AKAP8L: variants seen among roughly 807,000 people sequenced by gnomAD.
The protein encoded by AKAP8L is A-kinase anchor protein 8-like.
AKAP8L carries 34 observed loss-of-function variants against 77.5 expected under a neutral mutation model. The observed-to-expected ratio is 0.44, with a 90% CI of 0.33 to 0.58. The LOEUF is 0.58. AKAP8L is among the 20% of genes least tolerant of loss of function. The pLI, the probability that AKAP8L is intolerant of heterozygous loss-of-function variation, is 0.02. For synonymous variants in AKAP8L, 342 were observed against 340.7 expected (o/e 1.00, Z -0.04); for missense variants, 806 against 887.6 (o/e 0.91, Z 1.17).
rs894900243 is a variant in AKAP8L at position 15,399,914 on chromosome 19, C to A, written c.1048+381G>T. 5 of 356,542 alleles carry A rather than the reference C, an allele frequency of 1.4e-5. No individual in the cohort carries two copies. The highest frequency in any genetic ancestry group is 2.6e-5 in the Non-Finnish European group (5 of 192,376). 22.1% of individuals were successfully genotyped at this position (356,542 alleles called of 1,614,324 possible). The stretch of plus-strand genomic sequence containing the variant: ...GTGCTAAGGGAGAGGATACGCACAC[C>A]AGAGCCGTAAAAACTGCACCGAGGG... On this transcript the variant is annotated intron_variant, in intron 8 of 13. Transcript: ENST00000397410. The surrounding 1 kb of genome is among the most constrained non-coding windows in gnomAD (Gnocchi z 6.1).
chr19:15,412,605 G>C (rs71334766), intron 1 of AKAP8L, among the ~76,000 whole-genome samples: 7,852 of 152,134 alleles, frequency 0.052, 281 homozygotes, highest in Non-Finnish European at 0.083. Flanking sequence ...GCAGTGGCAC[G>C]ATCTCGGCTC....
At position 15,397,085 on chromosome 19, in the gene AKAP8L, C is replaced by G. The variant is rs537881350; in HGVS notation, c.1536+65G>C. The G allele has an allele frequency of 6.3e-7, 1 of 1,595,754 alleles. No individual in the cohort carries two copies. The highest frequency in any genetic ancestry group is 1.1e-5 in the South Asian group (1 of 90,146). On this transcript the variant is annotated intron_variant, in intron 12 of 13. Coordinates refer to ENST00000397410, the MANE Select transcript of AKAP8L (RefSeq NM_014371.4). This position sits in a 1 kb window ranked among gnomAD's most constrained non-coding sequence, Gnocchi z 4.7. The stretch of plus-strand genomic sequence containing the variant: ...CGGGCTGGCAGAGGTTCCAACTGCA[C>G]AACCTCCCCAGAGGCCTCACTCAAT...
In AKAP8L at chr19:15,399,471, G is replaced by A. The variant is rs774017870; in HGVS notation, c.1049-61C>T. ...TCTGCCAGGACAGGGCAGGCCCTGC[G>A]GCCTCTGGCTGAATCACCCACTGTC... On this transcript the variant is annotated intron_variant, in intron 8 of 13. Coordinates refer to ENST00000397410, the MANE Select transcript of AKAP8L (RefSeq NM_014371.4). This position sits in a 1 kb window ranked among gnomAD's most constrained non-coding sequence, Gnocchi z 6.1. The A allele has an allele frequency of 5.2e-4, 672 of 1,289,454 alleles. 2 individuals carry two copies. The highest frequency in any genetic ancestry group is 7.2e-4 in the Non-Finnish European group (636 of 887,286). The allele number at this position is 1,289,454 out of a possible 1,614,324, so 79.9% of individuals were successfully genotyped here.
In AKAP8L at chr19:15,403,379, G is replaced by A; in HGVS notation, c.362+96C>T. Reference sequence around the variant, plus strand: ...AGCAGCACCAAGCAGCGGGGAGGAAGCAGACACAGAGGGGCACTCAGAGAG... The same window carrying A: ...AGCAGCACCAAGCAGCGGGGAGGAAACAGACACAGAGGGGCACTCAGAGAG... On this transcript the variant is annotated intron_variant, in intron 4 of 13. Coordinates refer to ENST00000397410, the MANE Select transcript of AKAP8L (RefSeq NM_014371.4). This position sits in a 1 kb window ranked among gnomAD's most constrained non-coding sequence, Gnocchi z 4.3. 8.4e-7 allele frequency: 1 copy of A among 1,190,514 alleles called. No individual in the cohort carries two copies. 73.7% of individuals were successfully genotyped at this position (1,190,514 alleles called of 1,614,324 possible). A position where few individuals can be genotyped will look rare whatever the true frequency, so the allele number is the denominator to read the frequency against.
rs1466013477 is a variant in AKAP8L, at chr19:15,401,543, C to A, written c.423G>T (p.Arg141=). The A allele has an allele frequency of 6.2e-7, 1 of 1,613,356 alleles. No homozygotes were observed. Among genetic ancestry groups the A allele is most frequent in the East Asian group, 2.2e-5 (1 of 44,884 alleles). ...RAVLSERDLY[R]SGYDYSELDP... The stretch of plus-strand genomic sequence containing the variant: ...CAAGCTCGCTGTAGTCATAGCCTGA[C>A]CGGTACAGGTCGCGCTCACTCAGGA... The change falls in exon 5 of 14, where the codon CGG becomes CGT. Residue 141 remains arginine (R), a synonymous_variant. Transcript: ENST00000397410. This position sits in a 1 kb window ranked among gnomAD's most constrained non-coding sequence, Gnocchi z 6.2.
intron 12 of AKAP8L, chr19:15,381,215 A>G (rs544209303): frequency 6.5e-6 from 1 of 153,212 alleles, no homozygotes; most frequent in East Asian, 1.9e-4. Flanking sequence ...AACGTATCCT[A>G]AATTTAAGAA....
At chr19:15,384,373 C>T (rs1348975803) in intron 12 of AKAP8L, among the ~76,000 whole-genome samples, 1 of 148,016 alleles carries the variant, frequency 6.8e-6, no homozygotes, top group African/African-American at 2.5e-5. Flanking sequence ...GATCTTGGCT[C>T]ACTGCAACCT....
chr19:15,403,371 G>T lies in AKAP8L; in HGVS notation c.362+104C>A, dbSNP rs1249150294. The T allele has an allele frequency of 1.8e-6, 2 of 1,109,436 alleles. No homozygotes were observed. The highest frequency in any genetic ancestry group is 1.3e-6 in the Non-Finnish European group (1 of 741,414). 68.7% of individuals were successfully genotyped at this position (1,109,436 alleles called of 1,614,324 possible). Reference sequence around the variant, plus strand: ...GGAGCCACAGCAGCACCAAGCAGCGGGGAGGAAGCAGACACAGAGGGGCAC... The same window carrying T: ...GGAGCCACAGCAGCACCAAGCAGCGTGGAGGAAGCAGACACAGAGGGGCAC... On this transcript the variant is annotated intron_variant, in intron 4 of 13. Coordinates refer to ENST00000397410, the MANE Select transcript of AKAP8L (RefSeq NM_014371.4). This position sits in a 1 kb window ranked among gnomAD's most constrained non-coding sequence, Gnocchi z 4.3.
chr19:15,415,744 G>A (rs1276199468), intron 1 of AKAP8L, among the ~76,000 whole-genome samples: 1 of 152,010 alleles, frequency 6.6e-6, no homozygotes, highest in Non-Finnish European at 1.5e-5. Context: ...AAATTAGCCG[G>A]GTGTGGTGGC....
rs2145095289 is a variant in AKAP8L at position 15,380,069 on chromosome 19, T to G, written c.*53A>C. On this transcript the variant is annotated 3_prime_UTR_variant, in exon 14 of 14. Coordinates refer to ENST00000397410, the MANE Select transcript of AKAP8L (RefSeq NM_014371.4). ...CGGAGGTGGGATGGGAAAACTTTAT[T>G]AGGTTTGGTTTCCAGCTTCGGCCAC... The G allele has an allele frequency of 2.1e-6, 3 of 1,430,988 alleles. No individual in the cohort carries two copies. In the East Asian group the frequency reaches 8.8e-5, roughly 42 times the overall value. The allele number at this position is 1,430,988 out of a possible 1,614,324, so 88.6% of individuals were successfully genotyped here.
chr19:15,402,533 A>C (rs1050026929), intron 4 of AKAP8L, among the ~76,000 whole-genome samples: 1 of 152,240 alleles, frequency 6.6e-6, no homozygotes, highest in Non-Finnish European at 1.5e-5. Flanking sequence ...GCCAAGCCTC[A>C]CATGCCAAGC....
intron 1 of AKAP8L, among the ~76,000 whole-genome samples, chr19:15,417,102 A>G (rs1395126583): frequency 6.6e-6 from 1 of 152,150 alleles, no homozygotes; most frequent in African/African-American, 2.4e-5. Flanking sequence ...TACAGCCTAC[A>G]AGACCTAGAG....
Position 15,380,520 on chromosome 19 carries a change from C to T in AKAP8L, c.1629G>A (p.Leu543=). 1 of 1,613,896 alleles carries T rather than the reference C, an allele frequency of 6.2e-7. No individual in the cohort carries two copies. Among genetic ancestry groups the T allele is most frequent in the South Asian group, 1.1e-5 (1 of 91,082 alleles). ...CAGGCCCGGACCAGTGCCTCACCTT[C>T]AGGTAGCGCTCCAGCTTCTTGCTGA... is the stretch of plus-strand genomic sequence containing the variant. ...KLISKKLERY[L]KGENPFTDSP... Residue 543 remains leucine (L), a synonymous_variant, in exon 13 of 14, where the codon CTG becomes CTA. Coordinates refer to ENST00000397410, the MANE Select transcript of AKAP8L (RefSeq NM_014371.4).
At position 15,401,285 on chromosome 19, in the gene AKAP8L, G is replaced by A; in HGVS notation, c.681C>T (p.Ile227=). ...TGCCCTGGAACATGCCGTACTCGGG[G>A]ATGATGTTCTGGGAGAAGAGGGAGG... ...RLPSLFSQNI[I]PEYGMFQGMR... The change falls in exon 5 of 14, where the codon ATC becomes ATT. Residue 227 remains isoleucine, a synonymous_variant. Transcript: ENST00000397410. This position sits in a 1 kb window ranked among gnomAD's most constrained non-coding sequence, Gnocchi z 6.2. 1.9e-6 allele frequency: 3 copies of A among 1,613,790 alleles called. No individual in the cohort carries two copies. The highest frequency in any genetic ancestry group is 2.5e-6 in the Non-Finnish European group (3 of 1,179,900).
At chr19:15,388,943 G>A (rs944000404) in intron 12 of AKAP8L, among the ~76,000 whole-genome samples, 6 of 149,542 alleles carry the variant, frequency 4.0e-5, no homozygotes, top group East Asian at 2.0e-4. Flanking sequence ...GGCCGAGCTC[G>A]GTGGCTCACG....
Position 15,397,640 on chromosome 19 carries a change from A to C in AKAP8L, c.1300-15T>G. The C allele has an allele frequency of 6.2e-7, 1 of 1,613,828 alleles. No homozygotes were observed. Among genetic ancestry groups the C allele is most frequent in the Non-Finnish European group, 8.5e-7 (1 of 1,179,822 alleles). Reference sequence around the variant, plus strand: ...GTGACGTACTCCTGCAAGGAATATAAAGGTTCATGTGGGCCGCCTTATGTT... The same window carrying C: ...GTGACGTACTCCTGCAAGGAATATACAGGTTCATGTGGGCCGCCTTATGTT... On this transcript the variant is annotated splice_polypyrimidine_tract_variant and intron_variant, in intron 10 of 13. Transcript: ENST00000397410. This position sits in a 1 kb window ranked among gnomAD's most constrained non-coding sequence, Gnocchi z 4.7.
intron 2 of AKAP8L, among the ~76,000 whole-genome samples, chr19:15,408,332 A>G (rs777943700): frequency 1.3e-5 from 2 of 152,186 alleles, no homozygotes; most frequent in African/African-American, 2.4e-5. Flanking sequence ...TGGGAGGCCA[A>G]GGCGGGTGGA....
intron 1 of AKAP8L, among the ~76,000 whole-genome samples, chr19:15,416,421 T>A (rs762667482): frequency 4.6e-5 from 7 of 152,168 alleles, no homozygotes; most frequent in Non-Finnish European, 8.8e-5. Context: ...AGCCACCATG[T>A]TGTGAGGATA....
chr19:15,393,251 CAG>C lies in AKAP8L; in HGVS notation c.1536+3897_1536+3898del, dbSNP rs909542990. 2.6e-4 allele frequency among the ~76,000 whole-genome samples: 39 copies of C among 152,192 alleles called. 1 individual carries two copies. The Middle Eastern group carries it at 0.014, about 53-fold the overall frequency. On this transcript the variant is annotated intron_variant, in intron 12 of 13. Transcript: ENST00000397410. ...ACCATAAAATTCTTAGAAGAAAACA[CAG>C]GGGTAAATCTTCGTGACCTTGGATT...
Sources: allele counts gnomAD v4.1 joint callset (sites outside exome capture counted in the v4.1 genomes callset), GRCh38; gene constraint gnomAD v4.1.1; non-coding constraint Gnocchi (gnomAD v3.1); transcripts MANE v1.5; gene names NCBI Gene and HGNC (gene_info 2026-07-23, HGNC 2026-07-21).